Variants in RBM20 observed in about 807,000 individuals in gnomAD.
The protein encoded by RBM20 is RNA-binding protein 20.
Under a neutral mutation model 110.1 loss-of-function variants are expected in RBM20, and 51 were observed. That is an observed-to-expected ratio of 0.46 (90% CI 0.37 to 0.59). The LOEUF is 0.59. Ranked by LOEUF, RBM20 falls within the 20% of genes least tolerant of loss-of-function variation. The pLI is 0.00. For missense variants in RBM20, 1,512 were observed against 1,574.9 expected (o/e 0.96, Z 0.68); for synonymous variants, 589 against 618.2 (o/e 0.95, Z 0.70).
At chr10:110,698,977 G>A (rs1862713469) in intron 1 of RBM20, among the ~76,000 whole-genome samples, 1 of 152,192 alleles carries the variant, frequency 6.6e-6, no homozygotes, top group Non-Finnish European at 1.5e-5. Context: ...GTCACTTGGT[G>A]TGCAAGCTTC....
intron 12 of RBM20, among the ~76,000 whole-genome samples, chr10:110,824,955 CT>C (rs1844964638): frequency 6.6e-6 from 1 of 151,958 alleles, no homozygotes; most frequent in Non-Finnish European, 1.5e-5. Flanking sequence ...CCAACTTGCT[CT>C]TTTTTTCCCT....
chr10:110,740,538 G>C (rs1422891996), intron 1 of RBM20, among the ~76,000 whole-genome samples: 1 of 151,926 alleles, frequency 6.6e-6, no homozygotes, highest in African/African-American at 2.4e-5. Flanking sequence ...CACAGAACTG[G>C]GTTATGGACC....
intron 1 of RBM20, among the ~76,000 whole-genome samples, chr10:110,690,802 G>A (rs1232473412): frequency 1.3e-5 from 2 of 152,172 alleles, no homozygotes; most frequent in East Asian, 3.8e-4. Context: ...CCATTCATCT[G>A]TTGATGGCCA....
chr10:110,819,419 G>A (rs367992627), intron 9 of RBM20, among the ~76,000 whole-genome samples: 1 of 152,232 alleles, frequency 6.6e-6, no homozygotes, highest in Non-Finnish European at 1.5e-5. Flanking sequence ...ACTATAGTTT[G>A]TTGACCCTTG....
At chr10:110,708,068 G>A (rs1317542236) in intron 1 of RBM20, among the ~76,000 whole-genome samples, 1 of 152,190 alleles carries the variant, frequency 6.6e-6, no homozygotes, top group Non-Finnish European at 1.5e-5. Context: ...TAAACACTCG[G>A]TTATAAAAAG....
intron 9 of RBM20, among the ~76,000 whole-genome samples, chr10:110,813,665 T>A (rs1391974384): frequency 6.6e-6 from 1 of 151,988 alleles, no homozygotes; most frequent in African/African-American, 2.4e-5. Context: ...TGAAACCCTG[T>A]CTCTACTAAA....
At chr10:110,736,590 T>C (rs1176790980) in intron 1 of RBM20, among the ~76,000 whole-genome samples, 1 of 152,138 alleles carries the variant, frequency 6.6e-6, no homozygotes, top group African/African-American at 2.4e-5. Context: ...GACATGGTGG[T>C]TGCAGGTGTC....
intron 1 of RBM20, among the ~76,000 whole-genome samples, chr10:110,657,562 CA>C (rs1862043102): frequency 6.6e-6 from 1 of 152,140 alleles, no homozygotes; most frequent in African/African-American, 2.4e-5. Flanking sequence ...AGGCCCTTAT[CA>C]GGTGTATAAT....
intron 1 of RBM20, among the ~76,000 whole-genome samples, chr10:110,738,367 G>A (rs994611701): frequency 1.8e-4 from 28 of 152,172 alleles, no homozygotes; most frequent in Admixed American, 5.9e-4. Flanking sequence ...GGGTCTGGGG[G>A]GAGCATGGCC....
chr10:110,809,570 G>A (rs1844739008), intron 7 of RBM20, among the ~76,000 whole-genome samples: 1 of 152,124 alleles, frequency 6.6e-6, no homozygotes, highest in Non-Finnish European at 1.5e-5. Flanking sequence ...CGGGAATGGG[G>A]GGCTGGGGTT....
intron 1 of RBM20, among the ~76,000 whole-genome samples, chr10:110,669,303 T>C (rs889965759): frequency 6.6e-6 from 1 of 151,160 alleles, no homozygotes; most frequent in Non-Finnish European, 1.5e-5. Flanking sequence ...TGTGGCGGGG[T>C]AGGGGGGACA....
intron 1 of RBM20, among the ~76,000 whole-genome samples, chr10:110,740,063 G>A (rs1187056777): frequency 6.6e-6 from 1 of 152,256 alleles, no homozygotes; most frequent in Non-Finnish European, 1.5e-5. Flanking sequence ...TGGCATTTCC[G>A]AGCCAACTGC....
intron 5 of RBM20, among the ~76,000 whole-genome samples, chr10:110,796,413 A>G (rs980636177): frequency 5.9e-5 from 9 of 152,218 alleles, no homozygotes; most frequent in Admixed American, 5.9e-4. Flanking sequence ...CTTTTTTCAT[A>G]TATTTTTGTT....
chr10:110,763,597 G>A (rs1844036363), intron 1 of RBM20, among the ~76,000 whole-genome samples: 1 of 152,056 alleles, frequency 6.6e-6, no homozygotes, highest in Admixed American at 6.5e-5. Context: ...AGTGTTTAAG[G>A]ATTACAGTGT....
chr10:110,711,108 G>A (rs1363073100), intron 1 of RBM20, among the ~76,000 whole-genome samples: 1 of 151,868 alleles, frequency 6.6e-6, no homozygotes, highest in Non-Finnish European at 1.5e-5. Flanking sequence ...CCTATCCAGT[G>A]GTGCAGGAAA....
intron 9 of RBM20, among the ~76,000 whole-genome samples, chr10:110,815,498 T>C (rs955582659): frequency 6.6e-6 from 1 of 152,118 alleles, no homozygotes; most frequent in Non-Finnish European, 1.5e-5. Context: ...TTAAAAAGTG[T>C]ATGTGCTTGG....
chr10:110,711,080 C>T (rs911524439), intron 1 of RBM20, among the ~76,000 whole-genome samples: 2 of 151,884 alleles, frequency 1.3e-5, no homozygotes, highest in Admixed American at 6.6e-5. Flanking sequence ...AGACTCCAGC[C>T]GGGCGATTGT....
At chr10:110,668,444 C>A (rs1373270797) in intron 1 of RBM20, among the ~76,000 whole-genome samples, 1 of 152,176 alleles carries the variant, frequency 6.6e-6, no homozygotes, top group Non-Finnish European at 1.5e-5. Flanking sequence ...AAAGTCTCCC[C>A]TAATTGGCAC....
At position 110,646,086 on chromosome 10, in the gene RBM20, G is replaced by A. The variant is rs533293046; in HGVS notation, c.191+1441G>A. On this transcript the variant is annotated intron_variant, in intron 1 of 13. Coordinates refer to ENST00000369519, the MANE Select transcript of RBM20 (RefSeq NM_001134363.3). ...ATCCAATTTGGCCAATTATTAATTT[G>A]GAAACATCTGATGTGCTTCGTACGG... Among the ~76,000 whole-genome samples, 10 of 152,234 alleles carry A rather than the reference G, an allele frequency of 6.6e-5. No homozygotes were observed. In the South Asian group the frequency reaches 1.9e-3, roughly 28 times the overall value.
Sources: gnomAD v4.1 joint callset for allele counts (sites outside exome capture counted in the v4.1 genomes callset) on GRCh38, gnomAD v4.1.1 for gene constraint, MANE v1.5 for transcripts, NCBI Gene and HGNC (gene_info 2026-07-23, HGNC 2026-07-21) for gene names.